Variants in CAMKK2 observed in about 807,000 individuals in gnomAD.
CAMKK2 encodes the protein calcium/calmodulin-dependent protein kinase kinase 2.
Under a neutral mutation model 67.2 loss-of-function variants are expected in CAMKK2, and 30 were observed. The ratio of observed to expected loss-of-function variants is 0.45; its 90% CI spans 0.33 to 0.61. The LOEUF (loss-of-function observed/expected upper bound fraction) is 0.61. CAMKK2 is among the 20% of genes least tolerant of loss of function. The probability of loss-of-function intolerance (pLI) is 0.02; values close to 1 mark genes in which losing one functional copy is unlikely to be tolerated. For synonymous variants in CAMKK2, 322 were observed against 326.2 expected, an observed-to-expected ratio of 0.99 and a Z score of 0.14; for missense variants, 643 against 802.0, an observed-to-expected ratio of 0.80 and a Z score of 2.39.
intron 6 of CAMKK2, 101 bp downstream of exon 6, chr12:121,263,705 G>T: frequency 9.2e-7 from 1 of 1,092,298 alleles, no homozygotes; most frequent in South Asian, 1.7e-5. Context: ...TGCAGTGAGC[G>T]GTCTGGTGTG....
chr12:121,259,015 G>A (rs1432378466), intron 7 of CAMKK2, among the ~76,000 whole-genome samples: 2 of 151,878 alleles, frequency 1.3e-5, no homozygotes, highest in Non-Finnish European at 2.9e-5. Flanking sequence ...GCTAATTTTT[G>A]TATTTTTAGT....
Position 121,260,343 on chromosome 12 carries a change from G to T in CAMKK2, c.772C>A (p.Pro258Thr). The change falls in exon 7 of 17, where the codon CCC (proline) becomes ACC (threonine). Residue 258 changes from proline to threonine, a missense_variant. Transcript: ENST00000404169. ...VVKLVEVLDD[P>T]NEDHLYMVFE... is the part of the protein sequence containing the mutation. ...CCCATGTACAGATGGTCCTCATTGG[G>T]GTCATCCAGGACCTTGGCACAGCCA... 1 of 1,611,560 alleles carries T rather than the reference G, an allele frequency of 6.2e-7. No homozygotes were observed. Among genetic ancestry groups the T allele is most frequent in the Non-Finnish European group, 8.5e-7 (1 of 1,179,286 alleles).
At chr12:121,279,458 G>A (rs1290984737) in intron 1 of CAMKK2, among the ~76,000 whole-genome samples, 7 of 152,194 alleles carry the variant, frequency 4.6e-5, no homozygotes, top group Non-Finnish European at 8.8e-5. Flanking sequence ...ACTCTGTGCA[G>A]AAGAAATCAT....
intron 1 of CAMKK2, among the ~76,000 whole-genome samples, chr12:121,292,720 C>T (rs1276176664): frequency 1.3e-5 from 2 of 152,170 alleles, no homozygotes; most frequent in Non-Finnish European, 2.9e-5. Flanking sequence ...CCAATCCCAG[C>T]ACTTTGGGAG....
rs1032962507 is a variant in CAMKK2 at position 121,261,767 on chromosome 12, C to T, written c.760-1412G>A. 2.0e-5 allele frequency among the ~76,000 whole-genome samples: 3 copies of T among 152,356 alleles called. No individual in the cohort carries two copies. In the East Asian group the frequency reaches 5.8e-4, roughly 29 times the overall value. On this transcript the variant is annotated intron_variant, in intron 6 of 16. Coordinates refer to ENST00000404169, the MANE Select transcript of CAMKK2 (RefSeq NM_001270485.2). ...CATGCAGCTCCCTGCCCTGCAATGC[C>T]TTTCCGTGACTTCTCATCCAGGAAC... is the stretch of plus-strand genomic sequence containing the variant.
At chr12:121,297,154 G>C (rs1901450578), upstream of CAMKK2, 1 of 153,938 alleles carries the variant, frequency 6.5e-6, no homozygotes, top group African/African-American at 2.4e-5. Context: ...GGCGGGCCGC[G>C]CCGGCAGCGC....
rs111353627 is a variant in CAMKK2, at chr12:121,287,364, G to A, written c.-60+9274C>T. 3.7e-3 allele frequency among the ~76,000 whole-genome samples: 566 copies of A among 152,226 alleles called. 2 individuals are homozygous for A. The highest frequency in any genetic ancestry group is 5.9e-3 in the Non-Finnish European group (398 of 68,008). On this transcript the variant is annotated intron_variant, in intron 1 of 16. Coordinates refer to ENST00000404169, the MANE Select transcript of CAMKK2 (RefSeq NM_001270485.2). ...ACATCCTTGCTTCCATGTGTCATAA[G>A]AGCACATTCTCACATGGCTTTTGCA...
chr12:121,287,432 A>G (rs1898969561), intron 1 of CAMKK2, among the ~76,000 whole-genome samples: 1 of 151,936 alleles, frequency 6.6e-6, no homozygotes, highest in Non-Finnish European at 1.5e-5. Flanking sequence ...CGAGACTCAG[A>G]GAAGTTGAGA....
At position 121,268,627 on chromosome 12, in the gene CAMKK2, G is replaced by A. The variant is rs200454758; in HGVS notation, c.625+11C>T. The A allele has an allele frequency of 3.7e-6, 6 of 1,613,572 alleles. No individual in the cohort carries two copies. In the South Asian group the frequency reaches 4.4e-5, roughly 12 times the overall value. The stretch of plus-strand genomic sequence containing the variant: ...CCCCTGTACCTAACAACAAAGGCCC[G>A]CCAAACTCACGTGGAAAGCCGGCCT... On this transcript the variant is annotated intron_variant, in intron 5 of 16. Transcript: ENST00000404169.
Position 121,274,456 on chromosome 12 carries a change from C to T in CAMKK2, c.71G>A (p.Gly24Asp). The T allele has an allele frequency of 3.1e-6, 5 of 1,612,972 alleles. No homozygotes were observed. Among genetic ancestry groups the T allele is most frequent in the Admixed American group, 1.7e-5 (1 of 60,022 alleles). The change falls in exon 2 of 17, where the codon GGC becomes GAC. Residue 24 changes from glycine to aspartate, a missense_variant. Gly to Asp is a moderately conservative substitution (Grantham distance 94, BLOSUM62 -1). Around this residue, in one of 3 missense-constraint regions of CAMKK2, gnomAD observed 483 missense variants for 625.8 expected, o/e 0.77. Transcript: ENST00000404169. The part of the protein sequence containing the change: ...AAPQDELGGR[G>D]SSSSESQKPC... Reference sequence around the variant, plus strand: ...CTTCTGGCTTTCGCTGCTGCTGCTGCCCCTGCCCCCCAGCTCATCCTGGGG... The same window carrying T: ...CTTCTGGCTTTCGCTGCTGCTGCTGTCCCTGCCCCCCAGCTCATCCTGGGG...
chr12:121,288,658 C>T (rs955050158), intron 1 of CAMKK2, among the ~76,000 whole-genome samples: 15 of 152,284 alleles, frequency 9.9e-5, no homozygotes, highest in African/African-American at 3.4e-4. Flanking sequence ...GCTCCTACCC[C>T]ACCCGCTGGG....
At chr12:121,296,847 A>C (rs917287079), upstream of CAMKK2, 122 of 148,470 alleles carry the variant, frequency 8.2e-4, no homozygotes, top group African/African-American at 2.9e-3. The surrounding 1 kb of genome is among the most constrained non-coding windows in gnomAD (Gnocchi z 7.1). Context: ...GGAAACCCGA[A>C]AGCGGAACCG....
chr12:121,288,282 C>T (rs752401536), intron 1 of CAMKK2, among the ~76,000 whole-genome samples: 2 of 152,166 alleles, frequency 1.3e-5, no homozygotes, highest in Non-Finnish European at 2.9e-5. Flanking sequence ...AGGGCCAGCT[C>T]GAAACCCACA....
rs186375922 is a variant in CAMKK2 at position 121,274,194 on chromosome 12, G to A, written c.333C>T (p.Ala111=). ...LQERSQGGLA[A]GGSLDMNGRC... Reference sequence around the variant, plus strand: ...GTCCGTTCATGTCCAGGCTGCCACCGGCTGCCAGCCCACCCTGGGACCGCT... The same window carrying A: ...GTCCGTTCATGTCCAGGCTGCCACCAGCTGCCAGCCCACCCTGGGACCGCT... The change falls in exon 2 of 17, where the codon GCC becomes GCT. Residue 111 remains alanine (A), a synonymous_variant. Coordinates refer to ENST00000404169, the MANE Select transcript of CAMKK2 (RefSeq NM_001270485.2). 8.7e-5 allele frequency: 140 copies of A among 1,601,494 alleles called. No individual in the cohort carries two copies. The highest frequency in any genetic ancestry group is 7.6e-5 in the Non-Finnish European group (89 of 1,171,976).
chr12:121,263,792 C>A lies in CAMKK2; in HGVS notation c.759+14G>T. The A allele has an allele frequency of 6.3e-7, 1 of 1,597,952 alleles. No individual in the cohort carries two copies. ...CAGGGCCTCCCTCCCTCCTGGGCGC[C>A]TCCACCCTTTTACCTCCACCAGCTT... is the stretch of plus-strand genomic sequence containing the variant. On this transcript the variant is annotated intron_variant, in intron 6 of 16. Coordinates refer to ENST00000404169, the MANE Select transcript of CAMKK2 (RefSeq NM_001270485.2).
At chr12:121,279,435 G>A (rs1176757780) in intron 1 of CAMKK2, among the ~76,000 whole-genome samples, 1 of 152,178 alleles carries the variant, frequency 6.6e-6, no homozygotes, top group Non-Finnish European at 1.5e-5. Context: ...AAGATCTGAT[G>A]AAAGCTACCA....
At chr12:121,248,238 T>G (rs1889897211) in intron 14 of CAMKK2, among the ~76,000 whole-genome samples, 1 of 152,210 alleles carries the variant, frequency 6.6e-6, no homozygotes, top group African/African-American at 2.4e-5. Flanking sequence ...TGAGATATGC[T>G]ACGCCATCCA....
rs528513100 is a variant in CAMKK2 at position 121,263,396 on chromosome 12, A to T, written c.759+410T>A. 4.9e-4 allele frequency among the ~76,000 whole-genome samples: 74 copies of T among 152,308 alleles called. 1 individual carries two copies. The South Asian group carries it at 0.011, about 22-fold the overall frequency. ...AGTGCTGTCATTATAAGCGCGAGCC[A>T]GTGCACCCGGACTTGTTTTTGTAAA... On this transcript the variant is annotated intron_variant, in intron 6 of 16. Transcript: ENST00000404169.
chr12:121,250,443 G>A (rs895399495), intron 11 of CAMKK2, among the ~76,000 whole-genome samples: 1 of 152,096 alleles, frequency 6.6e-6, no homozygotes, highest in Admixed American at 6.5e-5. Context: ...AGCCTGGATC[G>A]CGCCACGCCC....
Sources: allele counts gnomAD v4.1 joint callset (sites outside exome capture counted in the v4.1 genomes callset), GRCh38; gene constraint gnomAD v4.1.1; regional missense constraint gnomAD v4.1.1; non-coding constraint Gnocchi (gnomAD v3.1); transcripts MANE v1.5; gene names NCBI Gene and HGNC (gene_info 2026-07-23, HGNC 2026-07-21).